The following BICD1 variants were observed in gnomAD, a reference collection of about 807,000 sequenced individuals.
The protein encoded by BICD1 is protein bicaudal D homolog 1.
A neutral mutation model predicts 92.5 loss-of-function variants in BICD1; 35 were observed. The observed-to-expected ratio is 0.38, with a 90% CI of 0.29 to 0.50. The LOEUF (loss-of-function observed/expected upper bound fraction) is 0.50. Ranked by LOEUF, BICD1 falls within the 20% of genes least tolerant of loss-of-function variation. The pLI is 0.93. For synonymous variants in BICD1, 429 were observed against 465.1 expected (o/e 0.92, Z 1.00); for missense variants, 950 against 1,189.8 (o/e 0.80, Z 2.97).
intron 1 of BICD1, among the ~76,000 whole-genome samples, chr12:32,185,597 T>A (rs1944405222): frequency 6.6e-6 from 1 of 152,312 alleles, no homozygotes; most frequent in South Asian, 2.1e-4. Flanking sequence ...AAGCAGCACA[T>A]GTCATGGCAC....
chr12:32,278,692 A>C (rs1947337608), intron 2 of BICD1, among the ~76,000 whole-genome samples: 1 of 152,084 alleles, frequency 6.6e-6, no homozygotes, highest in Non-Finnish European at 1.5e-5. Flanking sequence ...TCTCTACTAA[A>C]AATACAAAAA....
intron 8 of BICD1, chr12:32,340,550 T>G: frequency 1.1e-6 from 1 of 903,688 alleles, no homozygotes; most frequent in East Asian, 1.2e-4. Context: ...CTATTGCTGT[T>G]TAATTAAAAA....
intron 6 of BICD1, among the ~76,000 whole-genome samples, chr12:32,336,619 T>C (rs945680606): frequency 2.6e-5 from 4 of 152,226 alleles, no homozygotes; most frequent in Non-Finnish European, 4.4e-5. Flanking sequence ...TAAACATTAT[T>C]ATTTTGGATA....
Position 32,107,182 on chromosome 12 carries a change from G to C in BICD1, c.-150G>C. On this transcript the variant is annotated 5_prime_UTR_variant, in exon 1 of 10. Transcript: ENST00000652176. The stretch of plus-strand genomic sequence containing the variant: ...CGGTGTAGCTGCCGCTGCCACCAGA[G>C]CCGGCGGGGCATCGCGCTGCTCATT... 1 of 738,716 alleles carries C rather than the reference G, an allele frequency of 1.4e-6. No homozygotes were observed. 45.8% of individuals were successfully genotyped at this position (738,716 alleles called of 1,614,324 possible).
At chr12:32,183,528 G>T (rs923500349) in intron 1 of BICD1, among the ~76,000 whole-genome samples, 22 of 152,292 alleles carry the variant, frequency 1.4e-4, no homozygotes, top group African/African-American at 5.3e-4. Context: ...GCCTCCCAAA[G>T]TGCTGGCATT....
chr12:32,201,783 TA>T (rs1210253401), intron 1 of BICD1, among the ~76,000 whole-genome samples: 1,843 of 146,118 alleles, frequency 0.013, 37 homozygotes, highest in African/African-American at 0.043. Context: ...CGTGTTTGTT[TA>T]AAAAAAAAAA....
intron 1 of BICD1, among the ~76,000 whole-genome samples, chr12:32,158,106 CTTT>C (rs35906528): frequency 1.6e-5 from 2 of 125,730 alleles, no homozygotes; most frequent in African/African-American, 3.0e-5. Context: ...TTTTTTTTTT[CTTT>C]TTTTTTTTTT....
intron 1 of BICD1, among the ~76,000 whole-genome samples, chr12:32,183,412 G>A (rs557175161): frequency 4.6e-4 from 70 of 151,746 alleles, no homozygotes; most frequent in African/African-American, 1.6e-3. Flanking sequence ...TTACAGGCAC[G>A]CGCGCCATCA....
intron 5 of BICD1, chr12:32,332,966 G>A: frequency 1.0e-6 from 1 of 985,356 alleles, no homozygotes; most frequent in Non-Finnish European, 1.2e-6. Flanking sequence ...CTTAATTCTG[G>A]AAAAACTTTG....
At chr12:32,296,727 G>A (rs1348907019) in intron 3 of BICD1, among the ~76,000 whole-genome samples, 1 of 152,140 alleles carries the variant, frequency 6.6e-6, no homozygotes, top group African/African-American at 2.4e-5. Context: ...AGCCTCCCTG[G>A]AGAGCCTTCC....
chr12:32,346,552 A>G (rs1216905613), intron 8 of BICD1, among the ~76,000 whole-genome samples: 7 of 28,256 alleles, frequency 2.5e-4, no homozygotes, highest in East Asian at 2.0e-3. Context: ...ATATATATAT[A>G]TATATATATA....
chr12:32,220,498 C>A, intron 2 of BICD1, among the ~76,000 whole-genome samples: 1 of 151,896 alleles, frequency 6.6e-6, no homozygotes, highest in East Asian at 1.9e-4. Flanking sequence ...AAAAAATGCT[C>A]ACCATCACTG....
At chr12:32,356,010 C>T (rs185154090) in intron 8 of BICD1, among the ~76,000 whole-genome samples, 2 of 152,232 alleles carry the variant, frequency 1.3e-5, no homozygotes, top group Admixed American at 1.3e-4. Flanking sequence ...TTTCTTATTT[C>T]CTTGTTGTTA....
chr12:32,300,033 A>G (rs1013189802), intron 3 of BICD1, among the ~76,000 whole-genome samples: 1 of 152,094 alleles, frequency 6.6e-6, no homozygotes, highest in Non-Finnish European at 1.5e-5. Context: ...AAACAAATAC[A>G]TGGGAGTGTG....
In BICD1 at chr12:32,337,588, G is replaced by T. The variant is rs201842580; in HGVS notation, c.2342G>T (p.Arg781Leu). 1.2e-6 allele frequency: 2 copies of T among 1,614,168 alleles called. No homozygotes were observed. The highest frequency in any genetic ancestry group is 1.1e-5 in the South Asian group (1 of 91,080). The change falls in exon 7 of 10, where the codon CGA becomes CTA. Residue 781 changes from arginine to leucine, a missense_variant. Coordinates refer to ENST00000652176, the MANE Select transcript of BICD1 (RefSeq NM_001714.4). This position sits in a 1 kb window ranked among gnomAD's most constrained non-coding sequence, Gnocchi z 4.7. ...DEKKTLNTLL[R>L]MAIQQKLALT... ...AAGAAGACTCTGAACACTTTGTTAC[G>T]AATGGCTATCCAGCAAAAACTCGCC...
In BICD1 at chr12:32,327,776, T is replaced by C; in HGVS notation, c.1321T>C (p.Tyr441His). 2 of 1,613,938 alleles carry C rather than the reference T, an allele frequency of 1.2e-6. No homozygotes were observed. The highest frequency in any genetic ancestry group is 1.7e-5 in the Admixed American group (1 of 59,998). ...KAEIKALKEK[Y>H]NKSVENYTDE... The stretch of plus-strand genomic sequence containing the variant: ...TGAAATTAAGGCCTTAAAGGAGAAA[T>C]ATAATAAATCTGTAGAAAACTACAC... The change falls in exon 5 of 10, where the codon TAT (tyrosine) becomes CAT (histidine). Residue 441 changes from tyrosine to histidine, a missense_variant. Tyr to His is a moderately conservative substitution (Grantham distance 83, BLOSUM62 2). Transcript: ENST00000652176.
intron 1 of BICD1, among the ~76,000 whole-genome samples, chr12:32,117,733 C>T (rs927624457): frequency 6.8e-4 from 87 of 127,558 alleles, no homozygotes; most frequent in African/African-American, 2.3e-3. Flanking sequence ...CACACACACA[C>T]ACATATATAT....
intron 1 of BICD1, among the ~76,000 whole-genome samples, chr12:32,160,654 G>GC (rs1244496896): frequency 6.6e-6 from 1 of 152,102 alleles, no homozygotes; most frequent in Non-Finnish European, 1.5e-5. Flanking sequence ...ATACAGTGGT[G>GC]CCCCTTAAAA....
In BICD1 at chr12:32,233,322, T is replaced by TTA. The variant is rs35803631; in HGVS notation, c.426+16863_426+16864insTA. 8.7e-5 allele frequency among the ~76,000 whole-genome samples: 11 copies of TTA among 127,082 alleles called. 3 individuals are homozygous for TTA. Among genetic ancestry groups the TTA allele is most frequent in the South Asian group, 2.6e-4 (1 of 3,918 alleles). 83.4% of individuals were successfully genotyped at this position (127,082 alleles called of 152,430 possible). ...GGATGACAGAGCAAGAGTCTGTCTT[T>TTA]AAAAAAAAAAAAAAAAAAGTAGGCT... On this transcript the variant is annotated intron_variant, in intron 2 of 9. Transcript: ENST00000652176.
Sources: allele counts gnomAD v4.1 joint callset (sites outside exome capture counted in the v4.1 genomes callset), GRCh38; gene constraint gnomAD v4.1.1; non-coding constraint Gnocchi (gnomAD v3.1); transcripts MANE v1.5; gene names NCBI Gene and HGNC (gene_info 2026-07-23, HGNC 2026-07-21).